PNPLA6: variants seen among roughly 807,000 people sequenced by gnomAD.
PNPLA6 encodes the protein patatin-like phospholipase domain-containing protein 6.
PNPLA6 carries 105 observed loss-of-function variants against 153.7 expected under a neutral mutation model. The observed-to-expected ratio is 0.68, with a 90% CI of 0.58 to 0.80. The LOEUF (loss-of-function observed/expected upper bound fraction) is 0.80, where lower values mean the gene tolerates loss of function less well. Among genes scored for constraint, PNPLA6 ranks in the 30% least tolerant of loss-of-function variants. The pLI is 0.00. For missense variants in PNPLA6, 1,423 were observed against 1,919.3 expected (o/e 0.74, Z 4.83); for synonymous variants, 825 against 822.2 (o/e 1.00, Z -0.06).
At chr19:7,557,426 A>T in intron 27 of PNPLA6, 142 bp downstream of exon 27, 1 of 694,742 alleles carries the variant, frequency 1.4e-6, no homozygotes, top group East Asian at 2.7e-5. Flanking sequence ...ACATGCGCAC[A>T]CATACGATCA....
intron 18 of PNPLA6, among the ~76,000 whole-genome samples, chr19:7,551,717 C>T (rs935224403): frequency 2.0e-5 from 3 of 152,062 alleles, no homozygotes; most frequent in Admixed American, 1.3e-4. Flanking sequence ...GAGTCTTAGG[C>T]GGTGGACTTG....
At position 7,550,368 on chromosome 19, in the gene PNPLA6, G is replaced by C; in HGVS notation, c.1885G>C (p.Val629Leu). The stretch of plus-strand genomic sequence containing the variant: ...GGTGGCAGCCAGGATGTCGCCCTTC[G>C]TGCGCCAGATGGACTTCGCCATCGA... ...HTVAARMSPFVRQMDFAIDWT... is the reference protein window; with the variant it reads ...HTVAARMSPFLRQMDFAIDWT... The change falls in exon 15 of 32, where the codon GTG becomes CTG. Residue 629 changes from valine to leucine, a missense_variant. Transcript: ENST00000600737. 6.2e-7 allele frequency: 1 copy of C among 1,612,192 alleles called. No individual in the cohort carries two copies. The highest frequency in any genetic ancestry group is 8.5e-7 in the Non-Finnish European group (1 of 1,180,034).
chr19:7,555,495 G>T lies in PNPLA6; in HGVS notation c.2937-112G>T. ...CTTCCCCTCCGGGAGAGACCCCGTG[G>T]GTAGGGGCGGGTCCTTTGTTCCTTA... On this transcript the variant is annotated intron_variant, in intron 23 of 31. Coordinates refer to ENST00000600737, the MANE Select transcript of PNPLA6 (RefSeq NM_001166114.2). The surrounding 1 kb of genome is among the most constrained non-coding windows in gnomAD (Gnocchi z 6.3). The T allele has an allele frequency of 7.2e-7, 1 of 1,383,604 alleles. No homozygotes were observed. The highest frequency in any genetic ancestry group is 1.0e-6 in the Non-Finnish European group (1 of 1,004,790). The allele number at this position is 1,383,604 out of a possible 1,614,324, so 85.7% of individuals were successfully genotyped here.
chr19:7,536,824 G>A (rs1347304223), intron 3 of PNPLA6, among the ~76,000 whole-genome samples: 1 of 151,178 alleles, frequency 6.6e-6, no homozygotes, highest in Non-Finnish European at 1.5e-5. Flanking sequence ...CTACTCAGAA[G>A]GGTGAGACAG....
chr19:7,549,835 G>T, intron 13 of PNPLA6, 72 bp from the exon 14 acceptor site: 2 of 1,412,690 alleles, frequency 1.4e-6, no homozygotes, highest in Middle Eastern at 1.8e-4. Flanking sequence ...TTTTTCCTGT[G>T]GGGGCATGTT....
In PNPLA6 at chr19:7,541,374, GC is replaced by G; in HGVS notation, c.946del (p.Arg316GlufsTer13). 6.2e-7 allele frequency: 1 copy of G among 1,613,940 alleles called. No homozygotes were observed. The highest frequency in any genetic ancestry group is 1.1e-5 in the South Asian group (1 of 91,080). On this transcript the variant is annotated frameshift_variant, in exon 8 of 32. Transcript: ENST00000600737. LOFTEE classifies it high-confidence loss of function. The surrounding 1 kb of genome is among the most constrained non-coding windows in gnomAD (Gnocchi z 5.2). ...VVQIIMVRLQ[R>X]VTFLALHNYL... ...TGCAGATCATCATGGTGCGGCTGCA[GC>G]GAGTCACCTTCCTGGCACTGCACAA...
Position 7,542,622 on chromosome 19 carries a change from G to A in PNPLA6, c.1314G>A (p.Val438=). The part of the protein sequence containing the change: ...DMAYERGRIS[V]SLQEEASGGS... ...CCTATGAGCGTGGCCGGATCTCCGTGTCCCTGCAGGAAGAGGCCTCCGGGG... is the reference window on the plus strand; with the variant it reads ...CCTATGAGCGTGGCCGGATCTCCGTATCCCTGCAGGAAGAGGCCTCCGGGG... Residue 438 remains valine (V), a synonymous_variant, in exon 11 of 32, where the codon GTG becomes GTA. Transcript: ENST00000600737. 2 of 1,613,634 alleles carry A rather than the reference G, an allele frequency of 1.2e-6. No individual in the cohort carries two copies. Among genetic ancestry groups the A allele is most frequent in the African/African-American group, 1.3e-5 (1 of 75,060 alleles).
At chr19:7,551,200 GC>G (rs1023852292) in intron 17 of PNPLA6, 93 bp downstream of exon 17, 2 of 984,086 alleles carry the variant, frequency 2.0e-6, no homozygotes, top group African/African-American at 3.2e-5. Flanking sequence ...TTACAGAGGG[GC>G]GGGGTCGAGG....
At position 7,540,864 on chromosome 19, in the gene PNPLA6, T is replaced by C. The variant is rs972211906; in HGVS notation, c.796-59T>C. The C allele has an allele frequency of 2.5e-6, 4 of 1,608,716 alleles. No individual in the cohort carries two copies. The highest frequency in any genetic ancestry group is 3.4e-6 in the Non-Finnish European group (4 of 1,176,582). On this transcript the variant is annotated intron_variant, in intron 6 of 31. Transcript: ENST00000600737. This position sits in a 1 kb window ranked among gnomAD's most constrained non-coding sequence, Gnocchi z 6.8. ...CTGGCGCCAGGAAGGATTAGGGGAG[T>C]AGCGAGGGGGACTCGCAGCCTCTGC...
At position 7,536,241 on chromosome 19, in the gene PNPLA6, G is replaced by A; in HGVS notation, c.283G>A (p.Val95Met). The A allele has an allele frequency of 6.2e-7, 1 of 1,613,992 alleles. No individual in the cohort carries two copies. Among genetic ancestry groups the A allele is most frequent in the Non-Finnish European group, 8.5e-7 (1 of 1,179,944 alleles). The change falls in exon 2 of 32, where the codon GTG becomes ATG. Residue 95 changes from valine (V) to methionine (M), a missense_variant. Val to Met is a conservative substitution (Grantham distance 21). This residue lies in a region of PNPLA6 where 74 missense variants were observed against 171.3 expected (regional missense o/e 0.43). Transcript: ENST00000600737. ...PRYRFRKRDK[V>M]LFYGRKIMRK... Reference sequence around the variant, plus strand: ...GTATCGGTTCCGGAAGAGGGACAAAGTGCTCTTCTATGGCCGGAAGATTAT... The same window carrying A: ...GTATCGGTTCCGGAAGAGGGACAAAATGCTCTTCTATGGCCGGAAGATTAT...
Position 7,541,708 on chromosome 19 carries a change from C to A in PNPLA6, c.1168+24C>A. 6.4e-7 allele frequency: 1 copy of A among 1,554,562 alleles called. No homozygotes were observed. Among genetic ancestry groups the A allele is most frequent in the Non-Finnish European group, 8.7e-7 (1 of 1,153,910 alleles). On this transcript the variant is annotated intron_variant, in intron 9 of 31. Coordinates refer to ENST00000600737, the MANE Select transcript of PNPLA6 (RefSeq NM_001166114.2). The surrounding 1 kb of genome is among the most constrained non-coding windows in gnomAD (Gnocchi z 5.2). Reference sequence around the variant, plus strand: ...AGGTACCCAGGGACCCGAGGCCAGCCGAGCCCAATCTCCCAGGAAGCCCCG... The same window carrying A: ...AGGTACCCAGGGACCCGAGGCCAGCAGAGCCCAATCTCCCAGGAAGCCCCG...
At chr19:7,535,622 C>CA, upstream of PNPLA6, 2 of 1,586,578 alleles carry the variant, frequency 1.3e-6, no homozygotes, top group Middle Eastern at 1.7e-4. This position sits in a 1 kb window ranked among gnomAD's most constrained non-coding sequence, Gnocchi z 5.0. Flanking sequence ...CGTGGGGCGC[C>CA]AAGAGGACTA....
intron 18 of PNPLA6, among the ~76,000 whole-genome samples, chr19:7,552,278 C>G (rs566981822): frequency 6.6e-6 from 1 of 152,090 alleles, no homozygotes; most frequent in African/African-American, 2.4e-5. Flanking sequence ...CAGAATGGGG[C>G]GTGCGGTGGG....
chr19:7,549,901 G>T lies in PNPLA6; in HGVS notation c.1609-6G>T, dbSNP rs754967176. The T allele has an allele frequency of 2.8e-5, 45 of 1,613,016 alleles. 1 individual carries two copies. The South Asian group carries it at 4.6e-4, about 17-fold the overall frequency. ...TCTGTGTTCATCACATCCCCTGCCC[G>T]CACAGGACGTGAGCCTGCACTTCGT... On this transcript the variant is annotated splice_polypyrimidine_tract_variant and splice_region_variant and intron_variant, in intron 13 of 31. Transcript: ENST00000600737.
At chr19:7,548,392 AG>A (rs1737158535) in intron 13 of PNPLA6, among the ~76,000 whole-genome samples, 2 of 96,916 alleles carry the variant, frequency 2.1e-5, no homozygotes, top group African/African-American at 3.7e-5. Context: ...ATGAGCTAAA[AG>A]AAAAAAAATC....
At position 7,541,921 on chromosome 19, in the gene PNPLA6, C is replaced by A. The variant is rs899928836; in HGVS notation, c.1169-63C>A. On this transcript the variant is annotated intron_variant, in intron 9 of 31. Coordinates refer to ENST00000600737, the MANE Select transcript of PNPLA6 (RefSeq NM_001166114.2). The surrounding 1 kb of genome is among the most constrained non-coding windows in gnomAD (Gnocchi z 5.2). ...ATCAGTCGCCAGCATCTCCTTATCT[C>A]CCAACCTGCTAATCCTCCTAGTGGC... 1.4e-6 allele frequency: 2 copies of A among 1,429,730 alleles called. No homozygotes were observed. Among genetic ancestry groups the A allele is most frequent in the Admixed American group, 3.3e-5 (2 of 59,784 alleles). 88.6% of individuals were successfully genotyped at this position (1,429,730 alleles called of 1,614,324 possible).
At chr19:7,542,954 C>G (rs765573091) in intron 12 of PNPLA6, 26 bp downstream of exon 12, 32 of 1,613,760 alleles carry the variant, frequency 2.0e-5, no homozygotes, top group Non-Finnish European at 2.5e-5. Context: ...GAGCTGGGCA[C>G]AGGGCGCAAG....
intron 13 of PNPLA6, among the ~76,000 whole-genome samples, chr19:7,547,811 A>T (rs1430560926): frequency 1.6e-4 from 18 of 114,552 alleles, no homozygotes; most frequent in East Asian, 1.2e-3. Flanking sequence ...CTAATTAAAA[A>T]TTTTTTTTTT....
At chr19:7,554,796 C>T in intron 21 of PNPLA6, 73 bp downstream of exon 21, 1 of 1,590,386 alleles carries the variant, frequency 6.3e-7, no homozygotes, top group Non-Finnish European at 8.5e-7. Context: ...TGCACCAGGC[C>T]ACGTGCACCC....
Sources: allele counts gnomAD v4.1 joint callset (sites outside exome capture counted in the v4.1 genomes callset), GRCh38; gene constraint gnomAD v4.1.1; regional missense constraint gnomAD v4.1.1; non-coding constraint Gnocchi (gnomAD v3.1); transcripts MANE v1.5; gene names NCBI Gene and HGNC (gene_info 2026-07-23, HGNC 2026-07-21).